Variants in CUX1 observed in about 807,000 individuals in gnomAD.
CUX1 encodes protein CASP.
A neutral mutation model predicts 158.8 loss-of-function variants in CUX1; 31 were observed. The observed-to-expected ratio is 0.20, with a 90% CI of 0.15 to 0.26. The LOEUF (loss-of-function observed/expected upper bound fraction) is 0.26. CUX1 is among the 10% of genes least tolerant of loss of function. The pLI, the probability that CUX1 is intolerant of heterozygous loss-of-function variation, is 1.00. For missense variants in CUX1, 1,589 were observed against 2,014.6 expected (o/e 0.79, Z 4.04); for synonymous variants, 879 against 862.1 (o/e 1.02, Z -0.34).
chr7:101,844,840 T>C (rs1795522895), intron 1 of CUX1, among the ~76,000 whole-genome samples: 1 of 152,110 alleles, frequency 6.6e-6, no homozygotes, highest in Admixed American at 6.6e-5. Flanking sequence ...GGTCTCGAAC[T>C]CCTGACCTCA....
chr7:102,239,892 A>G (rs961940543), intron 23 of CUX1, among the ~76,000 whole-genome samples: 4 of 152,052 alleles, frequency 2.6e-5, no homozygotes, highest in Non-Finnish European at 5.9e-5. Context: ...GATTACAGGC[A>G]TGCACCACCA....
At chr7:102,270,104 G>A (rs1369095623) in intron 14 of CUX1, among the ~76,000 whole-genome samples, 1 of 152,242 alleles carries the variant, frequency 6.6e-6, no homozygotes, top group Admixed American at 6.5e-5. Context: ...TCCAGAGGTT[G>A]AAGAACTTGC....
chr7:102,261,239 A>C (rs1238815417), downstream of CUX1, among the ~76,000 whole-genome samples: 4 of 152,218 alleles, frequency 2.6e-5, no homozygotes, highest in Non-Finnish European at 4.4e-5. Flanking sequence ...CACGCCTATA[A>C]TCCCAGCACT....
At chr7:102,053,966 C>T (rs1415361900) in intron 3 of CUX1, among the ~76,000 whole-genome samples, 1 of 151,932 alleles carries the variant, frequency 6.6e-6, no homozygotes, top group Non-Finnish European at 1.5e-5. Flanking sequence ...TGCCACCATG[C>T]CCAGCTAATT....
chr7:102,125,174 G>A (rs1211630307), intron 8 of CUX1, among the ~76,000 whole-genome samples: 3 of 152,178 alleles, frequency 2.0e-5, no homozygotes, highest in Non-Finnish European at 4.4e-5. Flanking sequence ...TGGCTCTCCA[G>A]GAACTCTTGA....
chr7:102,257,806 G>C lies in CUX1; in HGVS notation c.*8764G>C. The stretch of plus-strand genomic sequence containing the variant: ...CAAGTCTTAGATCTTTCTAGAGCTT[G>C]TTTGTTCATCCTCACAATCACAGAT... On this transcript the variant is annotated 3_prime_UTR_variant, in exon 24 of 24. Transcript: ENST00000292535. 1.0e-6 allele frequency: 1 copy of C among 981,988 alleles called. No homozygotes were observed. Among genetic ancestry groups the C allele is most frequent in the Non-Finnish European group, 1.2e-6 (1 of 829,536 alleles). The allele number at this position is 981,988 out of a possible 1,614,324, so 60.8% of individuals were successfully genotyped here. A position where few individuals can be genotyped will look rare whatever the true frequency, so the allele number is the denominator to read the frequency against.
At chr7:102,244,974 G>T (rs1554536390) in intron 23 of CUX1, among the ~76,000 whole-genome samples, 1 of 152,206 alleles carries the variant, frequency 6.6e-6, no homozygotes, top group Admixed American at 6.5e-5. Context: ...CACATCTGTG[G>T]AGCACAAAGC....
upstream of CUX1, chr7:101,817,479 C>T (rs934550623): frequency 9.2e-7 from 1 of 1,089,492 alleles, no homozygotes. This position sits in a 1 kb window ranked among gnomAD's most constrained non-coding sequence, Gnocchi z 4.1. Flanking sequence ...GGGGACCGTG[C>T]CGGGGCTCCC....
At chr7:102,204,824 T>C (rs1379976419) in intron 19 of CUX1, among the ~76,000 whole-genome samples, 1 of 152,232 alleles carries the variant, frequency 6.6e-6, no homozygotes, top group African/African-American at 2.4e-5. Flanking sequence ...ATTTAAAAAA[T>C]GCTGTTTATA....
chr7:102,278,322 G>T (rs1554548230), intron 18 of CUX1, among the ~76,000 whole-genome samples: 1 of 152,242 alleles, frequency 6.6e-6, no homozygotes, highest in Admixed American at 6.5e-5. Context: ...AGGCACGGTG[G>T]CTCATGCCTG....
intron 1 of CUX1, among the ~76,000 whole-genome samples, chr7:101,840,536 G>T (rs1248166899): frequency 1.3e-5 from 2 of 152,148 alleles, no homozygotes; most frequent in African/African-American, 4.8e-5. Flanking sequence ...AAATTACATT[G>T]ATTGACTATA....
chr7:102,097,647 G>A lies in CUX1; in HGVS notation c.406+146G>A, dbSNP rs920192392. The stretch of plus-strand genomic sequence containing the variant: ...TCAGGGTGGGGCAGGAATCTGAGTC[G>A]TTAAAGAGAGATGATAATCATGCTG... On this transcript the variant is annotated intron_variant, in intron 5 of 23. Transcript: ENST00000292535. 1.5e-5 allele frequency: 12 copies of A among 820,244 alleles called. No homozygotes were observed. The Admixed American group carries it at 1.6e-4, about 11-fold the overall frequency. The allele number at this position is 820,244 out of a possible 1,614,324, so 50.8% of individuals were successfully genotyped here.
At chr7:102,158,656 G>A (rs138586964) in intron 9 of CUX1, 48 bp downstream of exon 9, 122 of 1,582,092 alleles carry the variant, frequency 7.7e-5, no homozygotes, top group African/African-American at 6.7e-4. Context: ...TAGCGGGCCC[G>A]TTTCTGGCAT....
chr7:101,926,974 G>A (rs1026677123), intron 2 of CUX1, among the ~76,000 whole-genome samples: 51 of 152,142 alleles, frequency 3.4e-4, no homozygotes, highest in Admixed American at 3.3e-3. Flanking sequence ...ACAGAGATCT[G>A]GCAGTGGCCA....
intron 1 of CUX1, among the ~76,000 whole-genome samples, chr7:101,905,617 A>G (rs1190437283): frequency 3.3e-5 from 5 of 152,138 alleles, no homozygotes; most frequent in African/African-American, 1.2e-4. Context: ...ACCAAGATCC[A>G]CCCTCGTGGT....
chr7:101,845,025 C>A (rs886956427), intron 1 of CUX1, among the ~76,000 whole-genome samples: 6 of 151,958 alleles, frequency 3.9e-5, no homozygotes, highest in African/African-American at 1.4e-4. Flanking sequence ...TTATTTTTTT[C>A]TTTTATTCTA....
chr7:102,149,787 T>C (rs1284828624), intron 8 of CUX1, among the ~76,000 whole-genome samples: 1 of 152,128 alleles, frequency 6.6e-6, no homozygotes, highest in Non-Finnish European at 1.5e-5. Flanking sequence ...CCCCCCGAGT[T>C]AAGGGGATTC....
At chr7:102,235,571 G>A (rs961493026) in intron 22 of CUX1, among the ~76,000 whole-genome samples, 12 of 151,890 alleles carry the variant, frequency 7.9e-5, no homozygotes, top group African/African-American at 2.2e-4. Context: ...GCATGGTGGC[G>A]CACGCCCGTA....
chr7:102,084,712 C>T (rs565633024), intron 4 of CUX1, among the ~76,000 whole-genome samples: 4 of 117,400 alleles, frequency 3.4e-5, no homozygotes, highest in South Asian at 2.7e-4. Context: ...TGTGAGCCAA[C>T]GCACCCGGCC....
Sources: allele counts gnomAD v4.1 joint callset (sites outside exome capture counted in the v4.1 genomes callset), GRCh38; gene constraint gnomAD v4.1.1; non-coding constraint Gnocchi (gnomAD v3.1); transcripts MANE v1.5; gene names NCBI Gene and HGNC (gene_info 2026-07-23, HGNC 2026-07-21).